LY6L: variants seen among roughly 807,000 people sequenced by gnomAD.
LY6L encodes lymphocyte antigen 6 family member L.
A neutral mutation model predicts 8.3 loss-of-function variants in LY6L; 8 were observed. That is an observed-to-expected ratio of 0.97 (90% CI 0.57 to 1.74). The LOEUF (loss-of-function observed/expected upper bound fraction) is 1.74, where lower values mean the gene tolerates loss of function less well. LY6L is among the 40% of genes most tolerant of loss of function. The pLI is 0.00. For synonymous variants in LY6L, 79 were observed against 77.9 expected (o/e 1.01, Z -0.07); for missense variants, 156 against 183.8 (o/e 0.85, Z 0.87).
intron 3 of LY6L, among the ~76,000 whole-genome samples, 196 bp downstream of exon 3, chr8:143,081,523 C>A (rs577214420): frequency 1.0e-3 from 155 of 152,310 alleles, no homozygotes; most frequent in African/African-American, 3.7e-3. Context: ...TTTTTCTCCT[C>A]CATTTGAAGT....
Position 143,081,338 on chromosome 8 carries a change from C to A in LY6L, c.190+11C>A. 4.0e-6 allele frequency: 6 copies of A among 1,482,358 alleles called. No individual in the cohort carries two copies. Among genetic ancestry groups the A allele is most frequent in the South Asian group, 2.5e-5 (2 of 79,350 alleles). The allele number at this position is 1,482,358 out of a possible 1,614,324, so 91.8% of individuals were successfully genotyped here. A position where few individuals can be genotyped will look rare whatever the true frequency, so the allele number is the denominator to read the frequency against. ...TGGTCGTCTCTTTTAGTGAGTCCCC[C>A]CCGGGCAGAGGGCAGGTGCCAGGTG... On this transcript the variant is annotated intron_variant, in intron 3 of 3. Coordinates refer to ENST00000562505, the MANE Select transcript of LY6L (RefSeq NM_001368160.2).
chr8:143,081,672 C>G (rs1026784052), intron 3 of LY6L, among the ~76,000 whole-genome samples: 1 of 152,190 alleles, frequency 6.6e-6, no homozygotes, highest in Non-Finnish European at 1.5e-5. Context: ...GTACACCTGC[C>G]ATACAACCCA....
At chr8:143,081,377 G>A in intron 3 of LY6L, 50 bp downstream of exon 3, 10 of 1,220,482 alleles carry the variant, frequency 8.2e-6, no homozygotes, top group Non-Finnish European at 1.1e-5. Context: ...GGGAAGGGCC[G>A]GTGCCCCCGC....
At chr8:143,082,098 C>T (rs940376733) in intron 3 of LY6L, among the ~76,000 whole-genome samples, 1 of 152,246 alleles carries the variant, frequency 6.6e-6, no homozygotes, top group Admixed American at 6.5e-5. Context: ...CTCCCGACGA[C>T]GCACATGCCC....
rs947786427 is a variant in LY6L, at chr8:143,082,458, G to A, written c.224G>A (p.Cys75Tyr). ...GTACGCGTCCTGCTCAGCAAACGCT[G>A]TGCTCCCAGATGTCCCAACGACAAC... Reference protein sequence around the residue: ...WSVRVLLSKRCAPRCPNDNMK... With the variant: ...WSVRVLLSKRYAPRCPNDNMK... Residue 75 changes from cysteine (C) to tyrosine (Y), a missense_variant, in exon 4 of 4, where the codon TGT (cysteine) becomes TAT (tyrosine). By Grantham distance (194) the Cys-to-Tyr change is radical. Coordinates refer to ENST00000562505, the MANE Select transcript of LY6L (RefSeq NM_001368160.2). The A allele has an allele frequency of 4.6e-6, 7 of 1,535,352 alleles. No homozygotes were observed. Among genetic ancestry groups the A allele is most frequent in the Non-Finnish European group, 6.1e-6 (7 of 1,146,698 alleles).
chr8:143,082,476 A>G lies in LY6L; in HGVS notation c.242A>G (p.Asn81Ser), dbSNP rs1410502864. The G allele has an allele frequency of 2.6e-6, 4 of 1,535,378 alleles. No homozygotes were observed. The African/African-American group carries it at 4.1e-5, about 16-fold the overall frequency. Residue 81 changes from asparagine to serine, a missense_variant, in exon 4 of 4, where the codon AAC becomes AGC. Transcript: ENST00000562505. ...AAACGCTGTGCTCCCAGATGTCCCA[A>G]CGACAACATGAAGTTCGAATGGTCG... ...LSKRCAPRCP[N>S]DNMKFEWSPA...
In LY6L at chr8:143,082,915, C is replaced by A. The variant is rs377110755; in HGVS notation, c.*264C>A. On this transcript the variant is annotated 3_prime_UTR_variant, in exon 4 of 4. Transcript: ENST00000562505. ...CCTCTGATGTGGGTGATGGGAAGGA[C>A]GGTGCCTCTGATGTGGGTGATGGGA... The A allele has an allele frequency of 4.1e-5, 19 of 464,134 alleles. No individual in the cohort carries two copies. The East Asian group carries it at 5.9e-4, about 14-fold the overall frequency. The allele number at this position is 464,134 out of a possible 1,614,324, so 28.8% of individuals were successfully genotyped here. A position where few individuals can be genotyped will look rare whatever the true frequency, so the allele number is the denominator to read the frequency against.
rs1312727911 is a variant in LY6L at position 143,081,073 on chromosome 8, C to T, written c.20C>T (p.Thr7Ile). Residue 7 changes from threonine (T) to isoleucine (I), a missense_variant, in exon 2 of 4, where the codon ACC becomes ATC. Transcript: ENST00000562505. The part of the protein sequence containing the change: MERLVL[T>I]LCTLPLAVAS... ...GGCGTCATGGAGAGGCTCGTCCTAA[C>T]CCTGTGCACCCTCCCGCTGGCTGTG... 7 of 1,534,882 alleles carry T rather than the reference C, an allele frequency of 4.6e-6. No individual in the cohort carries two copies. Among genetic ancestry groups the T allele is most frequent in the Non-Finnish European group, 6.1e-6 (7 of 1,146,410 alleles).
Position 143,082,961 on chromosome 8 carries a change from G to C in LY6L, c.*310G>C. 2.6e-6 allele frequency: 1 copy of C among 382,996 alleles called. No individual in the cohort carries two copies. The highest frequency in any genetic ancestry group is 4.8e-6 in the Non-Finnish European group (1 of 209,756). 23.7% of individuals were successfully genotyped at this position (382,996 alleles called of 1,614,324 possible). ...TGGGAAGGACGGTGCCTCTGGTGTG[G>C]GTGATGGGAAGGACGGTGCCTCTGG... is the stretch of plus-strand genomic sequence containing the variant. On this transcript the variant is annotated 3_prime_UTR_variant, in exon 4 of 4. Transcript: ENST00000562505.
In LY6L at chr8:143,081,082, C is replaced by G. The variant is rs1820420384; in HGVS notation, c.29C>G (p.Thr10Ser). 1 of 1,535,026 alleles carries G rather than the reference C, an allele frequency of 6.5e-7. No homozygotes were observed. Among genetic ancestry groups the G allele is most frequent in the Non-Finnish European group, 8.7e-7 (1 of 1,146,394 alleles). The part of the protein sequence containing the change: MERLVLTLC[T>S]LPLAVASAGC... ...GAGAGGCTCGTCCTAACCCTGTGCA[C>G]CCTCCCGCTGGCTGTGGCGTCTGCT... Residue 10 changes from threonine to serine, a missense_variant, in exon 2 of 4, where the codon ACC (threonine) becomes AGC (serine). Coordinates refer to ENST00000562505, the MANE Select transcript of LY6L (RefSeq NM_001368160.2).
intron 1 of LY6L, among the ~76,000 whole-genome samples, 173 bp downstream of exon 1, chr8:143,080,832 T>G (rs1337016448): frequency 4.4e-5 from 6 of 135,400 alleles, no homozygotes; most frequent in Admixed American, 2.9e-4. Context: ...AGCCTGGGGG[T>G]GGGGGTTGCC....
chr8:143,081,376 C>G (rs983648363), intron 3 of LY6L, 49 bp downstream of exon 3: 8 of 1,219,490 alleles, frequency 6.6e-6, no homozygotes, highest in Non-Finnish European at 9.0e-6. Flanking sequence ...GGGGAAGGGC[C>G]GGTGCCCCCG....
Position 143,082,767 on chromosome 8 carries a change from G to A in LY6L, c.*116G>A. On this transcript the variant is annotated 3_prime_UTR_variant, in exon 4 of 4. Transcript: ENST00000562505. ...CTGGGGGGGGACCCTCCCTCTCTGA[G>A]GTGGTGGGGAGGGTGCCATTGCCTC... 1.1e-6 allele frequency: 1 copy of A among 890,512 alleles called. No individual in the cohort carries two copies. The highest frequency in any genetic ancestry group is 2.1e-5 in the South Asian group (1 of 48,718). The allele number at this position is 890,512 out of a possible 1,614,324, so 55.2% of individuals were successfully genotyped here.
chr8:143,080,937 G>A, intron 1 of LY6L, 99 bp from the exon 2 acceptor site: 1 of 839,646 alleles, frequency 1.2e-6, no homozygotes, highest in Non-Finnish European at 1.8e-6. Flanking sequence ...AGTGTGGGAT[G>A]GGGGGTGCGC....
Position 143,081,043 on chromosome 8 carries a change from C to T in LY6L, c.-11C>T. The T allele has an allele frequency of 2.0e-6, 3 of 1,532,904 alleles. No homozygotes were observed. The highest frequency in any genetic ancestry group is 1.2e-5 in the South Asian group (1 of 83,988). 95.0% of individuals were successfully genotyped at this position (1,532,904 alleles called of 1,614,324 possible). ...CCACCTCACCCCACTCAGGCTGAGC[C>T]TTCTGGCGTCATGGAGAGGCTCGTC... On this transcript the variant is annotated 5_prime_UTR_variant, in exon 2 of 4. Transcript: ENST00000562505.
rs946552498 is a variant in LY6L, at chr8:143,082,744, G to C, written c.*93G>C. 11 of 992,850 alleles carry C rather than the reference G, an allele frequency of 1.1e-5. No individual in the cohort carries two copies. Among genetic ancestry groups the C allele is most frequent in the Non-Finnish European group, 1.3e-5 (9 of 713,264 alleles). The allele number at this position is 992,850 out of a possible 1,614,324, so 61.5% of individuals were successfully genotyped here. A position where few individuals can be genotyped will look rare whatever the true frequency, so the allele number is the denominator to read the frequency against. On this transcript the variant is annotated 3_prime_UTR_variant, in exon 4 of 4. Transcript: ENST00000562505. ...CTGCCTCCGCCCCTTCCAGGACACTGGGGGGGGACCCTCCCTCTCTGAGGT... is the reference window on the plus strand; with the variant it reads ...CTGCCTCCGCCCCTTCCAGGACACTCGGGGGGGACCCTCCCTCTCTGAGGT...
chr8:143,082,499 T>C lies in LY6L; in HGVS notation c.265T>C (p.Ser89Pro). 6.5e-7 allele frequency: 1 copy of C among 1,535,452 alleles called. No homozygotes were observed. The highest frequency in any genetic ancestry group is 8.7e-7 in the Non-Finnish European group (1 of 1,146,708). The change falls in exon 4 of 4, where the codon TCG becomes CCG. Residue 89 changes from serine to proline, a missense_variant. Coordinates refer to ENST00000562505, the MANE Select transcript of LY6L (RefSeq NM_001368160.2). ...CAACGACAACATGAAGTTCGAATGG[T>C]CGCCGGCCCCCATGGTGCAAGGCGT... ...CPNDNMKFEW[S>P]PAPMVQGVIT...
chr8:143,083,319 G>A lies in LY6L; in HGVS notation c.*668G>A, dbSNP rs1820468572. ...AATGCTGTCCAGGACCCTTCGAGGG[G>A]CAGAAGAACCTGGGTGCGGCCACAG... On this transcript the variant is annotated 3_prime_UTR_variant, in exon 4 of 4. Transcript: ENST00000562505. 6.6e-6 allele frequency among the ~76,000 whole-genome samples: 1 copy of A among 152,172 alleles called. No homozygotes were observed.
At position 143,081,087 on chromosome 8, in the gene LY6L, C is replaced by T; in HGVS notation, c.34C>T (p.Pro12Ser). The change falls in exon 2 of 4, where the codon CCG becomes TCG. Residue 12 changes from proline to serine, a missense_variant. Physicochemically the swap from Pro to Ser is moderately conservative, Grantham distance 74. Coordinates refer to ENST00000562505, the MANE Select transcript of LY6L (RefSeq NM_001368160.2). ...ERLVLTLCTL[P>S]LAVASAGCAT... ...GCTCGTCCTAACCCTGTGCACCCTC[C>T]CGCTGGCTGTGGCGTCTGCTGGCTG... is the stretch of plus-strand genomic sequence containing the variant. 6.5e-7 allele frequency: 1 copy of T among 1,535,032 alleles called. No homozygotes were observed. Among genetic ancestry groups the T allele is most frequent in the Non-Finnish European group, 8.7e-7 (1 of 1,146,402 alleles).
Sources: gnomAD v4.1 joint callset for allele counts (sites outside exome capture counted in the v4.1 genomes callset) on GRCh38, gnomAD v4.1.1 for gene constraint, MANE v1.5 for transcripts, NCBI Gene and HGNC (gene_info 2026-07-23, HGNC 2026-07-21) for gene names.